WDFY2: variants seen among roughly 807,000 people sequenced by gnomAD.
WDFY2 encodes the protein WD repeat and FYVE domain containing 2.
In WDFY2, 36 loss-of-function variants were observed where a neutral mutation model predicts 56.4. That is an observed-to-expected ratio of 0.64 (90% CI 0.49 to 0.84). The LOEUF (loss-of-function observed/expected upper bound fraction) is 0.84. Among genes scored for constraint, WDFY2 ranks in the 40% least tolerant of loss-of-function variants. WDFY2 has a pLI of 0.00. For missense variants in WDFY2, 444 were observed against 512.2 expected, an observed-to-expected ratio of 0.87 and a Z score of 1.29; for synonymous variants, 176 against 183.7, an observed-to-expected ratio of 0.96 and a Z score of 0.34.
intron 8 of WDFY2, among the ~76,000 whole-genome samples, chr13:51,753,937 A>G (rs2138726631): frequency 6.6e-6 from 1 of 151,966 alleles, no homozygotes; most frequent in Non-Finnish European, 1.5e-5. Flanking sequence ...ATACAAAAAA[A>G]AAAAAATTAG....
chr13:51,650,364 G>A (rs1461148504), intron 1 of WDFY2, among the ~76,000 whole-genome samples: 4 of 152,072 alleles, frequency 2.6e-5, no homozygotes, highest in African/African-American at 9.7e-5. Flanking sequence ...CTGCAAACAG[G>A]GACAGTTTAA....
chr13:51,654,308 T>C (rs1955465311), intron 1 of WDFY2, among the ~76,000 whole-genome samples: 1 of 152,186 alleles, frequency 6.6e-6, no homozygotes, highest in Admixed American at 6.5e-5. Flanking sequence ...CTTTCACCCC[T>C]TTCCTTGGCT....
intron 5 of WDFY2, among the ~76,000 whole-genome samples, chr13:51,723,699 G>A (rs1952540666): frequency 1.3e-5 from 2 of 152,168 alleles, no homozygotes; most frequent in Non-Finnish European, 2.9e-5. Flanking sequence ...AAGGCACATG[G>A]CATTGGATTG....
chr13:51,727,001 A>G (rs1009594287), intron 5 of WDFY2, among the ~76,000 whole-genome samples: 3 of 152,190 alleles, frequency 2.0e-5, no homozygotes, highest in African/African-American at 7.2e-5. Flanking sequence ...AAACTTTCCT[A>G]TCTAAAGCTT....
rs1383992301 is a variant in WDFY2 at position 51,762,227 on chromosome 13, A to G, written c.*2458A>G. 1 of 152,232 alleles carries G rather than the reference A, an allele frequency of 6.6e-6. No individual in the cohort carries two copies. The highest frequency in any genetic ancestry group is 1.5e-5 in the Non-Finnish European group (1 of 68,084). 9.4% of individuals were successfully genotyped at this position (152,232 alleles called of 1,614,324 possible). A position where few individuals can be genotyped will look rare whatever the true frequency, so the allele number is the denominator to read the frequency against. On this transcript the variant is annotated 3_prime_UTR_variant, in exon 12 of 12. Transcript: ENST00000298125. ...AGGCCCAGGCGCCCAGCAAGCCTGTATGGGTTCTGAGATGGGTCTAGATGC... is the reference window on the plus strand; with the variant it reads ...AGGCCCAGGCGCCCAGCAAGCCTGTGTGGGTTCTGAGATGGGTCTAGATGC...
intron 1 of WDFY2, among the ~76,000 whole-genome samples, chr13:51,658,963 G>T (rs565396054): frequency 3.3e-5 from 5 of 151,906 alleles, no homozygotes; most frequent in Non-Finnish European, 5.9e-5. Flanking sequence ...GTCTTGCTCT[G>T]TCGCCCAGGC....
chr13:51,713,901 A>C (rs1952284469), intron 4 of WDFY2, among the ~76,000 whole-genome samples: 1 of 151,418 alleles, frequency 6.6e-6, no homozygotes, highest in Non-Finnish European at 1.5e-5. Flanking sequence ...TATATATGAG[A>C]TACTTATGGT....
Position 51,765,674 on chromosome 13 carries a change from T to TGTC in WDFY2, c.*5906_*5908dup, listed in dbSNP as rs1360963627. On this transcript the variant is annotated 3_prime_UTR_variant, in exon 12 of 12. Coordinates refer to ENST00000298125, the MANE Select transcript of WDFY2 (RefSeq NM_052950.4). ...AGAGCCTATCACCACATGCCTTTGT[T>TGTC]GTCTTCCATCATATCAAGTGAGTTG... 6.6e-6 allele frequency: 1 copy of TGTC among 152,256 alleles called. No individual in the cohort carries two copies. The highest frequency in any genetic ancestry group is 2.4e-5 in the African/African-American group (1 of 41,462). The allele number at this position is 152,256 out of a possible 1,614,324, so 9.4% of individuals were successfully genotyped here.
In WDFY2 at chr13:51,584,472, C is replaced by A. The variant is rs953625728; in HGVS notation, c.-216C>A. Reference sequence around the variant, plus strand: ...CCGCCCCCTCCTCTTGTAGTGGCGCCGGCTTGCATCCCAGGTCGTGGCGGT... The same window carrying A: ...CCGCCCCCTCCTCTTGTAGTGGCGCAGGCTTGCATCCCAGGTCGTGGCGGT... On this transcript the variant is annotated 5_prime_UTR_variant, in exon 1 of 12. Coordinates refer to ENST00000298125, the MANE Select transcript of WDFY2 (RefSeq NM_052950.4). 8.5e-6 allele frequency: 5 copies of A among 587,664 alleles called. No individual in the cohort carries two copies. The highest frequency in any genetic ancestry group is 3.9e-5 in the African/African-American group (2 of 51,342). The allele number at this position is 587,664 out of a possible 1,614,324, so 36.4% of individuals were successfully genotyped here.
intron 3 of WDFY2, among the ~76,000 whole-genome samples, chr13:51,695,529 T>C (rs939114030): frequency 4.6e-5 from 7 of 152,198 alleles, no homozygotes; most frequent in African/African-American, 1.7e-4. Flanking sequence ...TGCTGTCTGA[T>C]CATTCCTCTG....
At chr13:51,644,131 T>C (rs762009753) in intron 1 of WDFY2, among the ~76,000 whole-genome samples, 2 of 152,056 alleles carry the variant, frequency 1.3e-5, no homozygotes, top group Admixed American at 1.3e-4. Context: ...CAGGGAAGTA[T>C]AAAACCCACA....
intron 1 of WDFY2, among the ~76,000 whole-genome samples, chr13:51,649,430 T>C (rs1310457219): frequency 6.6e-6 from 1 of 152,044 alleles, no homozygotes; most frequent in Non-Finnish European, 1.5e-5. Flanking sequence ...AGACTTTTTT[T>C]TTTTTTTTAA....
chr13:51,650,490 C>G (rs1305438493), intron 1 of WDFY2, among the ~76,000 whole-genome samples: 1 of 152,168 alleles, frequency 6.6e-6, no homozygotes, highest in Non-Finnish European at 1.5e-5. Flanking sequence ...CTGTCTTGTG[C>G]AAGTTTTCAA....
chr13:51,763,448 C>T lies in WDFY2; in HGVS notation c.*3679C>T, dbSNP rs941155919. ...CCCTGCCCCGTTTGGCTGCGATTCC[C>T]AGGCTTACAGCACTGCCCTTATGGA... is the stretch of plus-strand genomic sequence containing the variant. On this transcript the variant is annotated 3_prime_UTR_variant, in exon 12 of 12. Transcript: ENST00000298125. The T allele has an allele frequency of 2.0e-5, 3 of 152,262 alleles. No homozygotes were observed. Among genetic ancestry groups the T allele is most frequent in the African/African-American group, 7.2e-5 (3 of 41,452 alleles). 9.4% of individuals were successfully genotyped at this position (152,262 alleles called of 1,614,324 possible). A position where few individuals can be genotyped will look rare whatever the true frequency, so the allele number is the denominator to read the frequency against.
chr13:51,721,925 A>G (rs1198359439), intron 5 of WDFY2, among the ~76,000 whole-genome samples: 1 of 149,574 alleles, frequency 6.7e-6, no homozygotes, highest in Non-Finnish European at 1.5e-5. Context: ...GCCATACAGT[A>G]TTAGGGTTCA....
intron 3 of WDFY2, among the ~76,000 whole-genome samples, chr13:51,695,593 C>G (rs1253612173): frequency 2.0e-5 from 3 of 152,226 alleles, no homozygotes; most frequent in Non-Finnish European, 4.4e-5. Context: ...TCTGCCCCTA[C>G]TGGGGGGTGC....
intron 3 of WDFY2, among the ~76,000 whole-genome samples, chr13:51,681,122 A>G (rs1392624685): frequency 2.6e-5 from 4 of 152,180 alleles, no homozygotes; most frequent in Non-Finnish European, 5.9e-5. Context: ...GTGACGACAA[A>G]TGGCCTCTGA....
At chr13:51,712,743 GAAAAA>G (rs776109774) in intron 4 of WDFY2, among the ~76,000 whole-genome samples, 1 of 141,842 alleles carries the variant, frequency 7.1e-6, no homozygotes, top group East Asian at 2.0e-4. Context: ...AGTTAACAGG[GAAAAA>G]AAAAAAGAGA....
intron 3 of WDFY2, among the ~76,000 whole-genome samples, chr13:51,687,887 G>C (rs1404926493): frequency 6.6e-6 from 1 of 152,142 alleles, no homozygotes; most frequent in Non-Finnish European, 1.5e-5. Flanking sequence ...TATGAAAGGA[G>C]ACCATTCAGA....
Sources: gnomAD v4.1 joint callset for allele counts (sites outside exome capture counted in the v4.1 genomes callset) on GRCh38, gnomAD v4.1.1 for gene constraint, MANE v1.5 for transcripts, NCBI Gene and HGNC (gene_info 2026-07-23, HGNC 2026-07-21) for gene names.